PPP3CC: variants seen among roughly 807,000 people sequenced by gnomAD.
PPP3CC encodes serine/threonine-protein phosphatase 2B catalytic subunit gamma isoform.
Under a neutral mutation model 60.3 loss-of-function variants are expected in PPP3CC, and 35 were observed. That is an observed-to-expected ratio of 0.58 (90% CI 0.44 to 0.77). PPP3CC has a LOEUF of 0.77. PPP3CC is among the 30% of genes least tolerant of loss of function. PPP3CC has a pLI of 0.00. For synonymous variants in PPP3CC, 206 were observed against 224.3 expected (o/e 0.92, Z 0.73); for missense variants, 570 against 628.9 (o/e 0.91, Z 1.00).
At chr8:22,499,259 G>A (rs948983562) in intron 4 of PPP3CC, among the ~76,000 whole-genome samples, 1 of 150,640 alleles carries the variant, frequency 6.6e-6, no homozygotes, top group African/African-American at 2.4e-5. Context: ...CTAACAAGGT[G>A]AAACCCCGTC....
At chr8:22,471,615 A>G (rs374812829) in intron 1 of PPP3CC, among the ~76,000 whole-genome samples, 48 of 152,320 alleles carry the variant, frequency 3.2e-4, no homozygotes, top group African/African-American at 1.1e-3. Flanking sequence ...ATATCTAAAC[A>G]TAGAGAAGGT....
chr8:22,523,734 C>T (rs1325406497), intron 8 of PPP3CC: 9 of 448,054 alleles, frequency 2.0e-5, no homozygotes, highest in Admixed American at 2.4e-5. Flanking sequence ...AAAAGTCATT[C>T]GGAGTCAAGA....
chr8:22,449,684 T>C (rs1470460499), intron 1 of PPP3CC, among the ~76,000 whole-genome samples: 3 of 151,716 alleles, frequency 2.0e-5, no homozygotes, highest in Non-Finnish European at 4.4e-5. Context: ...GAAGTCAGTA[T>C]GGAGAAAGAA....
intron 3 of PPP3CC, among the ~76,000 whole-genome samples, chr8:22,489,348 TC>T (rs985287371): frequency 6.6e-6 from 1 of 151,888 alleles, no homozygotes; most frequent in Non-Finnish European, 1.5e-5. Flanking sequence ...TTTGTTTTAT[TC>T]TTTTTGTGCT....
chr8:22,454,697 G>C (rs1837139816), intron 1 of PPP3CC, among the ~76,000 whole-genome samples: 1 of 152,148 alleles, frequency 6.6e-6, no homozygotes, highest in Non-Finnish European at 1.5e-5. Flanking sequence ...CAGGATCTCT[G>C]TCATATATAT....
At chr8:22,534,060 A>G (rs1176304933) in intron 12 of PPP3CC, among the ~76,000 whole-genome samples, 1 of 151,752 alleles carries the variant, frequency 6.6e-6, no homozygotes, top group African/African-American at 2.4e-5. Context: ...TTAGCTGAGC[A>G]TGGTGGCATA....
At chr8:22,505,024 A>ATTTTTTTT (rs34116717) in intron 4 of PPP3CC, among the ~76,000 whole-genome samples, 1 of 115,974 alleles carries the variant, frequency 8.6e-6, no homozygotes, top group Admixed American at 1.0e-4. Flanking sequence ...CCACGAACCT[A>ATTTTTTTT]TTTTTTTTTT....
At chr8:22,512,962 G>C (rs1402859512) in intron 5 of PPP3CC, among the ~76,000 whole-genome samples, 1 of 151,978 alleles carries the variant, frequency 6.6e-6, no homozygotes, top group African/African-American at 2.4e-5. Context: ...TGTAATCCCA[G>C]CTACTAGGGA....
chr8:22,540,931 T>A lies in PPP3CC; in HGVS notation c.*129T>A. 1.2e-6 allele frequency: 1 copy of A among 847,452 alleles called. No homozygotes were observed. The highest frequency in any genetic ancestry group is 1.7e-6 in the Non-Finnish European group (1 of 602,004). The allele number at this position is 847,452 out of a possible 1,614,324, so 52.5% of individuals were successfully genotyped here. A position where few individuals can be genotyped will look rare whatever the true frequency, so the allele number is the denominator to read the frequency against. ...GGTGCATTTATAATTCAGTCTGCAT[T>A]TATTCTGTAAAAAGGTGGCTGTTTT... On this transcript the variant is annotated 3_prime_UTR_variant, in exon 14 of 14. Transcript: ENST00000240139.
At chr8:22,477,675 T>G (rs1001398350) in intron 3 of PPP3CC, among the ~76,000 whole-genome samples, 4 of 152,120 alleles carry the variant, frequency 2.6e-5, no homozygotes, top group African/African-American at 9.7e-5. Flanking sequence ...TTGCCTAGGC[T>G]GGAGTGCAGT....
chr8:22,455,969 C>T (rs1400862059), intron 1 of PPP3CC, among the ~76,000 whole-genome samples: 1 of 152,172 alleles, frequency 6.6e-6, no homozygotes, highest in Non-Finnish European at 1.5e-5. Context: ...TGAAAGGGCA[C>T]ATAATACTTT....
At chr8:22,483,831 A>C (rs1838143287) in intron 3 of PPP3CC, among the ~76,000 whole-genome samples, 1 of 151,950 alleles carries the variant, frequency 6.6e-6, no homozygotes, top group South Asian at 2.1e-4. Flanking sequence ...TTTAATGCCT[A>C]TCTTGTAATT....
At chr8:22,458,061 A>G (rs1195139892) in intron 1 of PPP3CC, among the ~76,000 whole-genome samples, 4 of 152,222 alleles carry the variant, frequency 2.6e-5, no homozygotes, top group African/African-American at 9.6e-5. Context: ...ATTGCACTCC[A>G]GCCTGGGCAA....
At chr8:22,510,304 C>T (rs1039824779) in intron 4 of PPP3CC, among the ~76,000 whole-genome samples, 4 of 152,078 alleles carry the variant, frequency 2.6e-5, no homozygotes, top group African/African-American at 9.7e-5. Flanking sequence ...TGAGCCACCA[C>T]ACCAGTTTAA....
intron 5 of PPP3CC, among the ~76,000 whole-genome samples, chr8:22,511,830 T>C (rs547087563): frequency 6.6e-6 from 1 of 152,350 alleles, no homozygotes; most frequent in South Asian, 2.1e-4. Flanking sequence ...ACCAGGGTTC[T>C]AATCACAGTC....
chr8:22,511,299 G>A, intron 5 of PPP3CC, 68 bp downstream of exon 5: 1 of 1,498,004 alleles, frequency 6.7e-7, no homozygotes, highest in South Asian at 1.2e-5. Flanking sequence ...TGTTGTTGTT[G>A]TTTGCTTTGA....
At chr8:22,489,817 A>AAT (rs1409182956) in intron 3 of PPP3CC, among the ~76,000 whole-genome samples, 16 of 142,678 alleles carry the variant, frequency 1.1e-4, no homozygotes, top group Non-Finnish European at 1.8e-4. Flanking sequence ...ATAACAAATA[A>AAT]ATATATATAT....
At chr8:22,512,340 G>T (rs114069368) in intron 5 of PPP3CC, among the ~76,000 whole-genome samples, 1 of 152,164 alleles carries the variant, frequency 6.6e-6, no homozygotes, top group South Asian at 2.1e-4. Context: ...TGAATCAATT[G>T]TATCAATAAA....
At position 22,487,518 on chromosome 8, in the gene PPP3CC, A is replaced by G. The variant is rs138450796; in HGVS notation, c.373-10483A>G. ...CGTGTGCTTGTAGTCCCAGCCACTC[A>G]GGAGGCTGAGGCAGGAGAATTGTGT... is the stretch of plus-strand genomic sequence containing the variant. On this transcript the variant is annotated intron_variant, in intron 3 of 13. Transcript: ENST00000240139. 4.4e-3 allele frequency among the ~76,000 whole-genome samples: 673 copies of G among 152,166 alleles called. 6 individuals are homozygous for G. Among genetic ancestry groups the G allele is most frequent in the African/African-American group, 0.016 (651 of 41,524 alleles).
Sources: gnomAD v4.1 joint callset for allele counts (sites outside exome capture counted in the v4.1 genomes callset) on GRCh38, gnomAD v4.1.1 for gene constraint, MANE v1.5 for transcripts, NCBI Gene and HGNC (gene_info 2026-07-23, HGNC 2026-07-21) for gene names.